Variants in EDA observed in about 807,000 individuals in gnomAD.
EDA encodes ectodysplasin A.
A neutral mutation model predicts 23.6 loss-of-function variants in EDA; 2 were observed. The ratio of observed to expected loss-of-function variants is 0.08; its 90% CI spans 0.03 to 0.27. The LOEUF (loss-of-function observed/expected upper bound fraction) is 0.27, where lower values mean the gene tolerates loss of function less well. EDA is among the 10% of genes least tolerant of loss of function. The pLI, the probability that EDA is intolerant of heterozygous loss-of-function variation, is 1.00. For missense variants in EDA, 229 were observed against 324.2 expected (o/e 0.71, Z 2.26); for synonymous variants, 131 against 132.0 (o/e 0.99, Z 0.05).
chrX:69,944,434 C>G (rs1267203760), intron 1 of EDA, among the ~76,000 whole-genome samples: 3 of 111,797 alleles, frequency 2.7e-5, no homozygotes, highest in African/African-American at 9.8e-5. Flanking sequence ...GCGGCAGGTT[C>G]CCTTCTGACC....
chrX:69,826,761 T>G (rs1350949281), intron 1 of EDA, among the ~76,000 whole-genome samples: 1 of 110,098 alleles, frequency 9.1e-6, no homozygotes, highest in Non-Finnish European at 1.9e-5. Flanking sequence ...GCTGGTGATT[T>G]TGCTTGTTAG....
At chrX:69,855,818 G>C (rs750068256) in intron 1 of EDA, among the ~76,000 whole-genome samples, 1 of 111,806 alleles carries the variant, frequency 8.9e-6, no homozygotes, top group African/African-American at 3.2e-5. Context: ...GGTTCTATCT[G>C]AATTTTAAAA....
chrX:69,730,343 T>A (rs187176170), intron 1 of EDA, among the ~76,000 whole-genome samples: 50 of 98,522 alleles, frequency 5.1e-4, no homozygotes, highest in African/African-American at 1.8e-3. Context: ...TTGACAAGGC[T>A]TCTCAAAGCA....
chrX:70,035,442 G>A lies in EDA; in HGVS notation c.1009G>A (p.Glu337Lys), dbSNP rs191378148. ...CTTCCTGCAGTGCACACGCAGCATCGAGACGGGCAAGACCAACTACAACAC... is the reference window on the plus strand; with the variant it reads ...CTTCCTGCAGTGCACACGCAGCATCAAGACGGGCAAGACCAACTACAACAC... ...KPFLQCTRSI[E>K]TGKTNYNTCY... Residue 337 changes from glutamate to lysine, a missense_variant, in exon 8 of 8, where the codon GAG (glutamate) becomes AAG (lysine). Coordinates refer to ENST00000374552, the MANE Select transcript of EDA (RefSeq NM_001399.5). 3.3e-6 allele frequency: 4 copies of A among 1,207,989 alleles called. No individual in the cohort carries two copies. Among genetic ancestry groups the A allele is most frequent in the Admixed American group, 2.2e-5 (1 of 45,465 alleles).
intron 1 of EDA, among the ~76,000 whole-genome samples, chrX:69,842,527 T>C (rs1156558400): frequency 8.9e-6 from 1 of 112,218 alleles, no homozygotes; most frequent in African/African-American, 3.2e-5. Context: ...TGGGGACCAC[T>C]GTAGTATACA....
At chrX:69,788,620 G>A (rs1179177525) in intron 1 of EDA, among the ~76,000 whole-genome samples, 1 of 112,276 alleles carries the variant, frequency 8.9e-6, no homozygotes, top group Admixed American at 9.4e-5. Flanking sequence ...CAGGGGTCAG[G>A]GAGCCACTTG....
chrX:69,844,700 T>A (rs183205560), intron 1 of EDA, among the ~76,000 whole-genome samples: 1 of 112,527 alleles, frequency 8.9e-6, no homozygotes, highest in Non-Finnish European at 1.9e-5. Context: ...CAGACATTTG[T>A]TTAGAACACT....
rs764095792 is a variant in EDA, at chrX:69,773,070, C to A, written c.396+156366C>A. ...TTACACATTAAGCCGTCATTTCACA[C>A]CTATTCCATCCCTAGCCCCTGATAA... On this transcript the variant is annotated intron_variant, in intron 1 of 7. Coordinates refer to ENST00000374552, the MANE Select transcript of EDA (RefSeq NM_001399.5). Among the ~76,000 whole-genome samples, 6 of 111,878 alleles carry A rather than the reference C, an allele frequency of 5.4e-5. No individual in the cohort carries two copies. In the South Asian group the frequency reaches 2.2e-3, roughly 41 times the overall value.
rs748998113 is a variant in EDA at position 69,888,551 on chromosome X, G to A, written c.397-68476G>A. Among the ~76,000 whole-genome samples the A allele has an allele frequency of 6.5e-5, 7 of 107,396 alleles. No homozygotes were observed. In the South Asian group the frequency reaches 2.4e-3, roughly 38 times the overall value. The allele number at this position is 107,396 out of a possible 115,157, so 93.3% of individuals were successfully genotyped here. Reference sequence around the variant, plus strand: ...AGACCTAGTGACATTCTGCCCACAAGAGACTCATTTAAACTTTGAGGAGAC... The same window carrying A: ...AGACCTAGTGACATTCTGCCCACAAAAGACTCATTTAAACTTTGAGGAGAC... On this transcript the variant is annotated intron_variant, in intron 1 of 7. Transcript: ENST00000374552.
chrX:69,731,186 G>A (rs2147357226), intron 1 of EDA, among the ~76,000 whole-genome samples: 1 of 111,167 alleles, frequency 9.0e-6, no homozygotes, highest in Non-Finnish European at 1.9e-5. Context: ...TGTCTGTAGG[G>A]TATGTTGTAT....
chrX:69,960,212 G>A (rs746686586), intron 2 of EDA, among the ~76,000 whole-genome samples: 5 of 111,561 alleles, frequency 4.5e-5, no homozygotes, highest in South Asian at 3.8e-4. Context: ...AGAGATGATG[G>A]TGGCTTAGAC....
intron 1 of EDA, among the ~76,000 whole-genome samples, chrX:69,783,516 C>T (rs1251704908): frequency 9.4e-6 from 1 of 105,965 alleles, no homozygotes; most frequent in Non-Finnish European, 1.9e-5. Flanking sequence ...CAATTCCCAC[C>T]TATGAGTGAG....
At chrX:69,750,046 C>T (rs969203283) in intron 1 of EDA, among the ~76,000 whole-genome samples, 9 of 101,088 alleles carry the variant, frequency 8.9e-5, no homozygotes, top group Non-Finnish European at 1.6e-4. Flanking sequence ...ACTTTAAGTT[C>T]TAGGGTACAT....
At chrX:69,870,739 A>G (rs749831588) in intron 1 of EDA, among the ~76,000 whole-genome samples, 5 of 111,237 alleles carry the variant, frequency 4.5e-5, no homozygotes, top group Non-Finnish European at 7.5e-5. Context: ...TTTCCAATCA[A>G]TGCCCTCATT....
rs1220170398 is a variant in EDA at position 69,648,938 on chromosome X, A to G, written c.396+32234A>G. Among the ~76,000 whole-genome samples, 11 of 111,383 alleles carry G rather than the reference A, an allele frequency of 9.9e-5. No individual in the cohort carries two copies. In the Admixed American group the frequency reaches 1.0e-3, roughly 11 times the overall value. On this transcript the variant is annotated intron_variant, in intron 1 of 7. Coordinates refer to ENST00000374552, the MANE Select transcript of EDA (RefSeq NM_001399.5). ...TCCATGGGTTGCATAGATCTGTGGG[A>G]GAAACGTGGTTTCCTGGGGCAGGGT...
chrX:69,728,865 A>G (rs899650263), intron 1 of EDA, among the ~76,000 whole-genome samples: 1 of 111,492 alleles, frequency 9.0e-6, no homozygotes, highest in Admixed American at 9.5e-5. Flanking sequence ...ATAAATAATG[A>G]ATGGTTTGTA....
intron 1 of EDA, among the ~76,000 whole-genome samples, chrX:69,761,574 G>C (rs2014309326): frequency 9.0e-6 from 1 of 111,579 alleles, no homozygotes; most frequent in Admixed American, 9.5e-5. Context: ...CCTGCTTGCA[G>C]CTATTGACAT....
At chrX:69,965,542 T>G in intron 2 of EDA, among the ~76,000 whole-genome samples, 1 of 112,208 alleles carries the variant, frequency 8.9e-6, no homozygotes, top group Non-Finnish European at 1.9e-5. Context: ...CATTTATCAA[T>G]GAAGATATTC....
At chrX:69,847,398 C>A (rs1865362061) in intron 1 of EDA, among the ~76,000 whole-genome samples, 1 of 111,192 alleles carries the variant, frequency 9.0e-6, no homozygotes, top group Non-Finnish European at 1.9e-5. Context: ...TATTTATTTA[C>A]CACCGTAATC....
Sources: allele counts gnomAD v4.1 joint callset (sites outside exome capture counted in the v4.1 genomes callset), GRCh38; gene constraint gnomAD v4.1.1; transcripts MANE v1.5; gene names NCBI Gene and HGNC (gene_info 2026-07-23, HGNC 2026-07-21).